MYO5A: variants seen among roughly 807,000 people sequenced by gnomAD.
The protein encoded by MYO5A is unconventional myosin-Va.
Under a neutral mutation model 249.7 loss-of-function variants are expected in MYO5A, and 98 were observed. That is an observed-to-expected ratio of 0.39 (90% CI 0.33 to 0.46). MYO5A has a LOEUF of 0.46. Among genes scored for constraint, MYO5A ranks in the 20% least tolerant of loss-of-function variants. The pLI, the probability that MYO5A is intolerant of heterozygous loss-of-function variation, is 0.98. For missense variants in MYO5A, 1,696 were observed against 2,308.8 expected (o/e 0.73, Z 5.44); for synonymous variants, 778 against 810.6 (o/e 0.96, Z 0.68).
chr15:52,426,708 C>A (rs1349201789), intron 3 of MYO5A, among the ~76,000 whole-genome samples: 1 of 152,172 alleles, frequency 6.6e-6, no homozygotes, highest in Non-Finnish European at 1.5e-5. Context: ...GATCTGCCCA[C>A]CTCAGCCTCC....
intron 1 of MYO5A, among the ~76,000 whole-genome samples, chr15:52,504,889 A>T (rs199974455): frequency 9.6e-6 from 1 of 104,498 alleles, no homozygotes; most frequent in Non-Finnish European, 2.2e-5. Flanking sequence ...ACTCCATCTC[A>T]AAAAAAAAAA....
At chr15:52,516,387 T>C (rs2077496140) in intron 1 of MYO5A, among the ~76,000 whole-genome samples, 1 of 152,186 alleles carries the variant, frequency 6.6e-6, no homozygotes, top group Non-Finnish European at 1.5e-5. Flanking sequence ...GCCACAGTCT[T>C]TACAAGAAAA....
Position 52,311,343 on chromosome 15 carries a change from A to G in MYO5A, c.*2353T>C, listed in dbSNP as rs2037767519. 6.6e-6 allele frequency: 1 copy of G among 152,090 alleles called. No individual in the cohort carries two copies. The highest frequency in any genetic ancestry group is 1.5e-5 in the Non-Finnish European group (1 of 68,026). 9.4% of individuals were successfully genotyped at this position (152,090 alleles called of 1,614,324 possible). A position where few individuals can be genotyped will look rare whatever the true frequency, so the allele number is the denominator to read the frequency against. On this transcript the variant is annotated 3_prime_UTR_variant, in exon 42 of 42. Coordinates refer to ENST00000399233, the MANE Select transcript of MYO5A (RefSeq NM_001382347.1). The stretch of plus-strand genomic sequence containing the variant: ...GTTGCATTTTCTTAGCAACTCCCCA[A>G]CTTACAGCCTATCGGATGCTGTTAG...
chr15:52,390,601 C>T lies in MYO5A; in HGVS notation c.1543-1238G>A, dbSNP rs148654964. On this transcript the variant is annotated intron_variant, in intron 12 of 41. Transcript: ENST00000399233. ...TGAGACAGGGTTTCACTCTTTTCAC[C>T]CAGGCTGGAGTGCAATGGCACAATC... Among the ~76,000 whole-genome samples, 1,174 of 148,222 alleles carry T rather than the reference C, an allele frequency of 7.9e-3. 13 individuals are homozygous for T. The highest frequency in any genetic ancestry group is 0.027 in the African/African-American group (1,069 of 39,546).
At chr15:52,501,833 A>G (rs2077163175) in intron 1 of MYO5A, among the ~76,000 whole-genome samples, 1 of 151,522 alleles carries the variant, frequency 6.6e-6, no homozygotes, top group Non-Finnish European at 1.5e-5. Context: ...ATAAACTTCC[A>G]TAACATAGGC....
At chr15:52,475,810 A>G (rs1177386995) in intron 1 of MYO5A, among the ~76,000 whole-genome samples, 1 of 152,152 alleles carries the variant, frequency 6.6e-6, no homozygotes, top group African/African-American at 2.4e-5. Flanking sequence ...ACTTCCAACT[A>G]TGTGGTCAAT....
intron 34 of MYO5A, among the ~76,000 whole-genome samples, chr15:52,336,034 T>C (rs905831924): frequency 8.5e-5 from 13 of 152,234 alleles, no homozygotes; most frequent in African/African-American, 3.1e-4. Flanking sequence ...CCATGTCAGA[T>C]AGATGCTATT....
chr15:52,368,657 C>G (rs1596354834), intron 22 of MYO5A, among the ~76,000 whole-genome samples: 5 of 152,284 alleles, frequency 3.3e-5, no homozygotes, highest in Admixed American at 3.3e-4. Flanking sequence ...GTAAACCCAG[C>G]GCTTTGTGAG....
At chr15:52,483,518 A>G (rs1057116774) in intron 1 of MYO5A, among the ~76,000 whole-genome samples, 1 of 150,068 alleles carries the variant, frequency 6.7e-6, no homozygotes, top group African/African-American at 2.4e-5. Flanking sequence ...ACTCAGCAAT[A>G]TATTTAAAAA....
chr15:52,487,892 T>G (rs1358958643), intron 1 of MYO5A, among the ~76,000 whole-genome samples: 1 of 152,128 alleles, frequency 6.6e-6, no homozygotes, highest in Non-Finnish European at 1.5e-5. Context: ...TATTTCAGTC[T>G]GCTGAGATGA....
chr15:52,334,268 T>A (rs955134151), intron 34 of MYO5A, among the ~76,000 whole-genome samples: 3 of 152,230 alleles, frequency 2.0e-5, no homozygotes, highest in African/African-American at 7.2e-5. Flanking sequence ...TTTACTAAAG[T>A]ATGGCAAAGG....
At chr15:52,443,545 T>G (rs1416355291) in intron 1 of MYO5A, among the ~76,000 whole-genome samples, 1 of 151,584 alleles carries the variant, frequency 6.6e-6, no homozygotes, top group Non-Finnish European at 1.5e-5. Flanking sequence ...ACCCCGTCTC[T>G]ACTAAAAACA....
chr15:52,353,599 C>T lies in MYO5A; in HGVS notation c.3621+6G>A. 3.7e-6 allele frequency: 6 copies of T among 1,613,288 alleles called. No homozygotes were observed. Among genetic ancestry groups the T allele is most frequent in the Non-Finnish European group, 5.1e-6 (6 of 1,179,198 alleles). ...TTCAAAGTCTTGAGCAGAAACTCCC[C>T]ATTACCTTGAGTGACTCATATTCCA... On this transcript the variant is annotated splice_donor_region_variant and intron_variant, in intron 27 of 41. Coordinates refer to ENST00000399233, the MANE Select transcript of MYO5A (RefSeq NM_001382347.1).
chr15:52,370,228 G>A lies in MYO5A; in HGVS notation c.3007C>T (p.Arg1003Cys), dbSNP rs774132262. ...TCCTCAATGCATTTTTTCTCTGAAC[G>A]AGTTTGCTCCAGGTCTTTCCGGAGC... Reference protein sequence around the residue: ...AKLRKDLEQTRSEKKCIEEHA... With the variant: ...AKLRKDLEQTCSEKKCIEEHA... Residue 1003 changes from arginine (R) to cysteine (C), a missense_variant, in exon 22 of 42, where the codon CGT becomes TGT. Physicochemically the swap from Arg to Cys is radical, Grantham distance 180 (BLOSUM62 -3). Around this residue, in one of 5 missense-constraint regions of MYO5A, gnomAD observed 412 missense variants for 453.3 expected, o/e 0.91. Coordinates refer to ENST00000399233, the MANE Select transcript of MYO5A (RefSeq NM_001382347.1). The A allele has an allele frequency of 8.1e-6, 13 of 1,613,944 alleles. No homozygotes were observed. In the East Asian group the frequency reaches 8.9e-5, roughly 11 times the overall value.
At chr15:52,383,400 C>T (rs2041840396) in intron 15 of MYO5A, among the ~76,000 whole-genome samples, 1 of 152,208 alleles carries the variant, frequency 6.6e-6, no homozygotes, top group Non-Finnish European at 1.5e-5. Context: ...CATGCTTACT[C>T]TGCTAAATAT....
At chr15:52,418,772 C>T (rs1320503126) in intron 4 of MYO5A, among the ~76,000 whole-genome samples, 18 of 119,428 alleles carry the variant, frequency 1.5e-4, no homozygotes, top group African/African-American at 5.3e-4. Context: ...GAGAGAGAGC[C>T]GGGGTGGGGG....
chr15:52,503,165 A>G (rs1208014584), intron 1 of MYO5A, among the ~76,000 whole-genome samples: 2 of 152,246 alleles, frequency 1.3e-5, no homozygotes, highest in Non-Finnish European at 1.5e-5. Context: ...TGTATATTTC[A>G]AAATAGCTAA....
At position 52,351,121 on chromosome 15, in the gene MYO5A, A is replaced by T. The variant is rs28514341; in HGVS notation, c.3849+133T>A. 25,827 of 805,572 alleles carry T rather than the reference A, an allele frequency of 0.032. 2,869 individuals carry two copies. Among genetic ancestry groups the T allele is most frequent in the African/African-American group, 0.3 (17,538 of 58,054 alleles). 49.9% of individuals were successfully genotyped at this position (805,572 alleles called of 1,614,324 possible). On this transcript the variant is annotated intron_variant, in intron 28 of 41. Transcript: ENST00000399233. ...TTTTAAACAACACTGGGATTTTTTTAAAAAAATAATGAATCCTCAATTAGA... is the reference window on the plus strand; with the variant it reads ...TTTTAAACAACACTGGGATTTTTTTTAAAAAATAATGAATCCTCAATTAGA...
rs868473724 is a variant in MYO5A at position 52,448,961 on chromosome 15, T to C, written c.28-15676A>G. Among the ~76,000 whole-genome samples, 769 of 88,564 alleles carry C rather than the reference T, an allele frequency of 8.7e-3. 7 individuals are homozygous for C. Among genetic ancestry groups the C allele is most frequent in the African/African-American group, 0.03 (734 of 24,268 alleles). 58.1% of individuals were successfully genotyped at this position (88,564 alleles called of 152,430 possible). ...TTTTTTTCTTTTCTTGTCTTTCTTT[T>C]TTTTTTTTTTTTTTTTTTTTTTTTT... On this transcript the variant is annotated intron_variant, in intron 1 of 41. Coordinates refer to ENST00000399233, the MANE Select transcript of MYO5A (RefSeq NM_001382347.1).
Sources: gnomAD v4.1 joint callset for allele counts (sites outside exome capture counted in the v4.1 genomes callset) on GRCh38, gnomAD v4.1.1 for gene constraint, gnomAD v4.1.1 regional missense constraint, MANE v1.5 for transcripts, NCBI Gene and HGNC (gene_info 2026-07-23, HGNC 2026-07-21) for gene names.